WWOX: variants seen among roughly 807,000 people sequenced by gnomAD.
WWOX encodes the protein WW domain-containing oxidoreductase.
In WWOX, 69 loss-of-function variants were observed where a neutral mutation model predicts 46.2. The observed-to-expected ratio is 1.49, with a 90% CI of 1.23 to 1.82. WWOX has a LOEUF of 1.82. Among genes scored for constraint, WWOX ranks in the 40% most tolerant of loss-of-function variants. WWOX has a pLI of 0.00. For missense variants in WWOX, 919 were observed against 542.6 expected, an observed-to-expected ratio of 1.69 and a Z score of -6.89; for synonymous variants, 359 against 202.6, an observed-to-expected ratio of 1.77 and a Z score of -6.56.
intron 5 of WWOX, among the ~76,000 whole-genome samples, chr16:78,234,507 T>G (rs1019454998): frequency 6.6e-6 from 1 of 152,180 alleles, no homozygotes; most frequent in Non-Finnish European, 1.5e-5. Context: ...AACAGCCAGA[T>G]TTCTATTCTG....
At chr16:78,929,144 A>G (rs2045564938) in intron 8 of WWOX, among the ~76,000 whole-genome samples, 1 of 152,206 alleles carries the variant, frequency 6.6e-6, no homozygotes, top group African/African-American at 2.4e-5. Context: ...CCATTTAAGA[A>G]TAAGAACACG....
intron 8 of WWOX, among the ~76,000 whole-genome samples, chr16:79,036,723 C>G (rs1206551345): frequency 6.6e-6 from 1 of 152,200 alleles, no homozygotes; most frequent in African/African-American, 2.4e-5. Flanking sequence ...TTAGTGATGT[C>G]TGCAGTGAGC....
intron 8 of WWOX, among the ~76,000 whole-genome samples, chr16:78,815,928 C>G (rs1049698225): frequency 6.6e-6 from 1 of 152,166 alleles, no homozygotes; most frequent in African/African-American, 2.4e-5. Context: ...AACCCATTCA[C>G]TGGCCCTGCT....
chr16:78,334,806 A>ACGCGCGCG (rs144097796), intron 5 of WWOX, among the ~76,000 whole-genome samples: 65 of 130,824 alleles, frequency 5.0e-4, no homozygotes, highest in African/African-American at 1.5e-3. Context: ...ACACACACAC[A>ACGCGCGCG]CGCACACACA....
chr16:79,094,561 GTT>G (rs1230067530), intron 8 of WWOX, among the ~76,000 whole-genome samples: 1 of 151,940 alleles, frequency 6.6e-6, no homozygotes, highest in East Asian at 1.9e-4. Context: ...CATTTCCTCA[GTT>G]TTAAAAAGCA....
Position 78,762,934 on chromosome 16 carries a change from G to A in WWOX, c.1056+330182G>A, listed in dbSNP as rs192587489. ...TATTATTGAAGGCTGAGAACAGAAC[G>A]ACAAACAACAATCACAACAAAAGGC... On this transcript the variant is annotated intron_variant, in intron 8 of 8. Transcript: ENST00000566780. Among the ~76,000 whole-genome samples the A allele has an allele frequency of 2.0e-3, 298 of 152,282 alleles. 1 individual carries two copies. Among genetic ancestry groups the A allele is most frequent in the African/African-American group, 6.6e-3 (273 of 41,556 alleles).
intron 8 of WWOX, among the ~76,000 whole-genome samples, chr16:78,777,748 A>C (rs897777118): frequency 6.6e-6 from 1 of 152,180 alleles, no homozygotes; most frequent in Admixed American, 6.5e-5. Flanking sequence ...GGCACTTTGC[A>C]TAGAAACTCA....
At chr16:78,988,577 G>A (rs901841405) in intron 8 of WWOX, among the ~76,000 whole-genome samples, 3 of 151,938 alleles carry the variant, frequency 2.0e-5, no homozygotes, top group Non-Finnish European at 2.9e-5. Context: ...AAACATCCCC[G>A]CCCCTTCAAC....
intron 1 of WWOX, among the ~76,000 whole-genome samples, chr16:78,106,105 C>T (rs11649069): frequency 0.32 from 49,172 of 152,050 alleles, 8,037 homozygotes; most frequent in Non-Finnish European, 0.34. Context: ...CCCCGCCACT[C>T]CATGGATTCT....
chr16:78,605,534 C>G (rs955375412), intron 8 of WWOX, among the ~76,000 whole-genome samples: 11 of 151,980 alleles, frequency 7.2e-5, no homozygotes, highest in African/African-American at 1.9e-4. Flanking sequence ...ATTGTGCTAA[C>G]TGAAGAATGG....
At chr16:78,100,047 G>A in intron 1 of WWOX, 162 bp downstream of exon 1, 8 of 1,419,740 alleles carry the variant, frequency 5.6e-6, no homozygotes, top group Non-Finnish European at 7.4e-6. Context: ...TTCCCAGTAG[G>A]GGCCGGCCCC....
intron 8 of WWOX, among the ~76,000 whole-genome samples, chr16:78,879,487 C>A (rs893365058): frequency 6.6e-6 from 1 of 151,572 alleles, no homozygotes; most frequent in East Asian, 1.9e-4. Flanking sequence ...CCACCCTGGT[C>A]TTCAAGTCCA....
intron 8 of WWOX, among the ~76,000 whole-genome samples, chr16:78,762,024 G>T (rs1321828549): frequency 6.6e-6 from 1 of 152,170 alleles, no homozygotes; most frequent in African/African-American, 2.4e-5. Flanking sequence ...GAATTTCTTA[G>T]ATTGAAGAAA....
chr16:79,186,961 A>G (rs930027049), intron 8 of WWOX, among the ~76,000 whole-genome samples: 6 of 152,228 alleles, frequency 3.9e-5, no homozygotes, highest in African/African-American at 2.4e-5. Context: ...AGGTGTCACT[A>G]TATCATAATA....
intron 8 of WWOX, among the ~76,000 whole-genome samples, chr16:78,462,175 C>G (rs907948106): frequency 6.6e-6 from 1 of 152,098 alleles, no homozygotes; most frequent in Admixed American, 6.5e-5. Context: ...GTAATTTAAG[C>G]AACTTGCAGC....
At chr16:78,117,635 A>G (rs116932014) in intron 4 of WWOX, among the ~76,000 whole-genome samples, 210 of 152,274 alleles carry the variant, frequency 1.4e-3, no homozygotes, top group Middle Eastern at 3.4e-3. Context: ...TGGCTTCTAG[A>G]TAAAGTCCTT....
intron 4 of WWOX, chr16:78,123,156 T>C (rs2033178771): frequency 6.7e-6 from 1 of 150,262 alleles, no homozygotes; most frequent in Middle Eastern, 3.4e-3. Flanking sequence ...TAGTGTCGTG[T>C]TTGTTTCTTT....
chr16:79,203,694 A>G (rs979383249), intron 8 of WWOX: 2 of 152,152 alleles, frequency 1.3e-5, no homozygotes, highest in Non-Finnish European at 2.9e-5. Context: ...GACTTCGTAG[A>G]GCCATTCTGT....
intron 8 of WWOX, among the ~76,000 whole-genome samples, chr16:78,742,351 A>AC (rs1262263126): frequency 6.6e-6 from 1 of 152,180 alleles, no homozygotes; most frequent in Non-Finnish European, 1.5e-5. Context: ...CAGCAGCAGG[A>AC]CAGAGCCCCA....
Sources: gnomAD v4.1 joint callset for allele counts (sites outside exome capture counted in the v4.1 genomes callset) on GRCh38, gnomAD v4.1.1 for gene constraint, MANE v1.5 for transcripts, NCBI Gene and HGNC (gene_info 2026-07-23, HGNC 2026-07-21) for gene names.